Variants in CFAP97D2 observed in about 807,000 individuals in gnomAD.
The protein encoded by CFAP97D2 is CFAP97 domain containing 2, also known as uncharacterized protein CFAP97D2.
chr13:114,219,963 TGCG>T (rs2081012898), intron 4 of CFAP97D2, among the ~76,000 whole-genome samples: 1 of 151,948 alleles, frequency 6.6e-6, no homozygotes, highest in Admixed American at 6.6e-5. Context: ...GGAACGTGAA[TGCG>T]TCTCTCGGTG....
chr13:114,219,458 T>C (rs1212606644), intron 4 of CFAP97D2, among the ~76,000 whole-genome samples: 1 of 152,248 alleles, frequency 6.6e-6, no homozygotes, highest in African/African-American at 2.4e-5. Context: ...CTTCATTTAC[T>C]TTCTTTGGCT....
At chr13:114,219,501 C>G (rs906408546) in intron 4 of CFAP97D2, among the ~76,000 whole-genome samples, 4 of 152,140 alleles carry the variant, frequency 2.6e-5, no homozygotes, top group Admixed American at 2.6e-4. Flanking sequence ...TAACAGGAAA[C>G]AGATAAAGCC....
intron 2 of CFAP97D2, 29 bp from the exon 3 acceptor site, chr13:114,200,296 G>T (rs1357555130): frequency 5.0e-6 from 2 of 397,584 alleles, no homozygotes; most frequent in Non-Finnish European, 8.9e-6. Context: ...ATCTGCCGGC[G>T]CTCCTCCAGC....
intron 1 of CFAP97D2, among the ~76,000 whole-genome samples, chr13:114,188,263 C>A (rs1436308727): frequency 7.0e-6 from 1 of 143,502 alleles, no homozygotes; most frequent in Non-Finnish European, 1.5e-5. Context: ...CAGAGTGAGA[C>A]CCTGTCTCAA....
At chr13:114,201,686 C>T (rs760315129) in intron 3 of CFAP97D2, among the ~76,000 whole-genome samples, 2 of 152,170 alleles carry the variant, frequency 1.3e-5, no homozygotes, top group African/African-American at 2.4e-5. Context: ...GGACACTTGC[C>T]GAGTTAATGC....
intron 4 of CFAP97D2, among the ~76,000 whole-genome samples, chr13:114,217,134 G>C (rs2080997431): frequency 6.6e-6 from 1 of 151,944 alleles, no homozygotes; most frequent in South Asian, 2.1e-4. Context: ...TTTTTGATGG[G>C]GTTGAATAAA....
chr13:114,192,934 A>G (rs1663460869), intron 1 of CFAP97D2, among the ~76,000 whole-genome samples: 1 of 152,248 alleles, frequency 6.6e-6, no homozygotes, highest in African/African-American at 2.4e-5. Flanking sequence ...AACAAGCAAT[A>G]AAATAGAAAT....
chr13:114,220,649 T>G (rs1343513874), intron 4 of CFAP97D2, among the ~76,000 whole-genome samples: 1 of 152,230 alleles, frequency 6.6e-6, no homozygotes, highest in Admixed American at 6.5e-5. Context: ...AAGTATGCAT[T>G]GCTCTAATTT....
At chr13:114,200,199 T>C (rs546081904) in intron 2 of CFAP97D2, 126 bp from the exon 3 acceptor site, 148 of 384,206 alleles carry the variant, frequency 3.9e-4, no homozygotes, top group Admixed American at 7.8e-4. Context: ...TGAGGCGTGA[T>C]GGCGCACTCG....
rs1297593057 is a variant in CFAP97D2 at position 114,185,884 on chromosome 13, G to A, written c.90+6464G>A. 2.6e-5 allele frequency among the ~76,000 whole-genome samples: 4 copies of A among 152,240 alleles called. No individual in the cohort carries two copies. Among genetic ancestry groups the A allele is most frequent in the African/African-American group, 4.8e-5 (2 of 41,474 alleles). ...TGCGTGCCATGAACAGCAACAGGAG[G>A]CAGACGGACTCCTGGGCAGAAGGGG... On this transcript the variant is annotated intron_variant, in intron 1 of 4. Transcript: ENST00000646158. The surrounding 1 kb of genome is among the most constrained non-coding windows in gnomAD (Gnocchi z 5.2).
At chr13:114,188,497 G>T (rs975309978) in intron 1 of CFAP97D2, among the ~76,000 whole-genome samples, 3 of 152,126 alleles carry the variant, frequency 2.0e-5, no homozygotes, top group South Asian at 2.1e-4. Context: ...AAAAAAAGAG[G>T]CCAGGTGCAG....
rs2080861889 is a variant in CFAP97D2, at chr13:114,189,468, TC to T, written c.91-6926del. ...AGAGGACTGAAGCAGTGGGAATACC[TC>T]CTGTATGTATTCTGTGAAGCAGCAC... On this transcript the variant is annotated intron_variant, in intron 1 of 4. Coordinates refer to ENST00000646158, the Ensembl canonical transcript of CFAP97D2. The surrounding 1 kb of genome is among the most constrained non-coding windows in gnomAD (Gnocchi z 4.5). Among the ~76,000 whole-genome samples, 1 of 152,206 alleles carries T rather than the reference TC, an allele frequency of 6.6e-6. No homozygotes were observed. The highest frequency in any genetic ancestry group is 2.4e-5 in the African/African-American group (1 of 41,456).
intron 3 of CFAP97D2, among the ~76,000 whole-genome samples, chr13:114,208,757 T>G (rs1310375498): frequency 6.6e-6 from 1 of 152,242 alleles, no homozygotes; most frequent in Non-Finnish European, 1.5e-5. Flanking sequence ...CTGGACTATG[T>G]GCCAAATCTC....
rs1363176232 is a variant in CFAP97D2 at position 114,211,344 on chromosome 13, C to G, written c.291-568C>G. On this transcript the variant is annotated intron_variant, in intron 3 of 4. Transcript: ENST00000646158. The surrounding 1 kb of genome is among the most constrained non-coding windows in gnomAD (Gnocchi z 4.2). ...CCCCAGTCCAGCCCCAGCCTGTCCA[C>G]AGGGGTCTTTCTCAAGTGCCTGCGG... Among the ~76,000 whole-genome samples the G allele has an allele frequency of 2.0e-5, 3 of 152,212 alleles. No homozygotes were observed. Among genetic ancestry groups the G allele is most frequent in the Non-Finnish European group, 4.4e-5 (3 of 68,040 alleles).
rs1322519428 is a variant in CFAP97D2 at position 114,187,448 on chromosome 13, G to A, written c.90+8028G>A. 3.3e-5 allele frequency among the ~76,000 whole-genome samples: 5 copies of A among 151,938 alleles called. No homozygotes were observed. Among genetic ancestry groups the A allele is most frequent in the Non-Finnish European group, 5.9e-5 (4 of 68,002 alleles). On this transcript the variant is annotated intron_variant, in intron 1 of 4. Coordinates refer to ENST00000646158, the Ensembl canonical transcript of CFAP97D2. This position sits in a 1 kb window ranked among gnomAD's most constrained non-coding sequence, Gnocchi z 4.2. ...TAAATGATTGAAAAAAATATACCAT[G>A]TCAACACAAGTCAAAAGAAAGCTGG... is the stretch of plus-strand genomic sequence containing the variant.
chr13:114,188,776 CAAA>C (rs35375202), intron 1 of CFAP97D2, among the ~76,000 whole-genome samples: 4 of 65,374 alleles, frequency 6.1e-5, no homozygotes, highest in Non-Finnish European at 9.4e-5. Context: ...GACTCAATCT[CAAA>C]AAAAAAAAAA....
chr13:114,205,364 C>G (rs1439068582), intron 3 of CFAP97D2, among the ~76,000 whole-genome samples: 3 of 152,174 alleles, frequency 2.0e-5, no homozygotes, highest in Non-Finnish European at 4.4e-5. Flanking sequence ...GAAAACATGT[C>G]TACACGAAAA....
At chr13:114,182,839 A>G (rs900365482) in intron 1 of CFAP97D2, among the ~76,000 whole-genome samples, 2 of 152,218 alleles carry the variant, frequency 1.3e-5, no homozygotes, top group African/African-American at 4.8e-5. Flanking sequence ...TCAGCAAAGC[A>G]ATTATTCAAA....
chr13:114,216,423 A>G (rs1290938609), intron 4 of CFAP97D2, among the ~76,000 whole-genome samples: 1 of 151,906 alleles, frequency 6.6e-6, no homozygotes, highest in Non-Finnish European at 1.5e-5. Flanking sequence ...TATATCTCCT[A>G]ATGCTATCCC....
Sources: allele counts gnomAD v4.1 joint callset (sites outside exome capture counted in the v4.1 genomes callset), GRCh38; gene constraint gnomAD v4.1.1; non-coding constraint Gnocchi (gnomAD v3.1); transcripts MANE v1.5; gene names NCBI Gene and HGNC (gene_info 2026-07-23, HGNC 2026-07-21).